Variants in SART3 observed in about 807,000 individuals in gnomAD.
The protein encoded by SART3 is spliceosome associated factor 3, U4/U6 recycling protein.
A neutral mutation model predicts 122.3 loss-of-function variants in SART3; 44 were observed. The observed-to-expected ratio is 0.36, with a 90% confidence interval of 0.28 to 0.46. The LOEUF (loss-of-function observed/expected upper bound fraction) is 0.46. Among genes scored for constraint, SART3 ranks in the 20% least tolerant of loss-of-function variants. The pLI is 1.00. For missense variants in SART3, 1,101 were observed against 1,229.0 expected (o/e 0.90, Z 1.56); for synonymous variants, 442 against 454.0 (o/e 0.97, Z 0.34).
In SART3 at chr12:108,523,507, C is replaced by A. The variant is rs974867120; in HGVS notation, c.2842G>T (p.Ala948Ser). 1 of 1,613,462 alleles carries A rather than the reference C, an allele frequency of 6.2e-7. No individual in the cohort carries two copies. The highest frequency in any genetic ancestry group is 1.3e-5 in the African/African-American group (1 of 75,014). The change falls in exon 19 of 19, where the codon GCA (alanine) becomes TCA (serine). Residue 948 changes from alanine to serine, a missense_variant. By Grantham distance (99) the Ala-to-Ser change is moderately conservative (BLOSUM62 1). Coordinates refer to ENST00000546815, the MANE Select transcript of SART3 (RefSeq NM_014706.4). The part of the protein sequence containing the change: ...PAVAAPAATE[A>S]PKMSNADFAK... ...AAATCGGCATTGGACATCTTGGGTGCCTCGGTGGCTGCTGGGGCGGCAACT... is the reference window on the plus strand; with the variant it reads ...AAATCGGCATTGGACATCTTGGGTGACTCGGTGGCTGCTGGGGCGGCAACT...
rs1165671458 is a variant in SART3, at chr12:108,526,457, G to C, written c.2012C>G (p.Ala671Gly). ...EVAAGPAGKC[A>G]AVDVEPPSKQ... ...CGAAGGGGGCTCCACATCTACGGCA[G>C]CACATTTCCCAGCGGGCCCTGCTGC... The change falls in exon 16 of 19, where the codon GCT becomes GGT. Residue 671 changes from alanine to glycine, a missense_variant. By Grantham distance (60) the Ala-to-Gly change is moderately conservative (BLOSUM62 0). This residue lies in a region of SART3 where 885 missense variants were observed against 1,080.1 expected (regional missense o/e 0.82). Coordinates refer to ENST00000546815, the MANE Select transcript of SART3 (RefSeq NM_014706.4). 6.2e-7 allele frequency: 1 copy of C among 1,614,058 alleles called. No individual in the cohort carries two copies. The highest frequency in any genetic ancestry group is 1.3e-5 in the African/African-American group (1 of 74,936).
At chr12:108,538,027 C>T in intron 8 of SART3, 38 bp downstream of exon 8, 1 of 1,613,644 alleles carries the variant, frequency 6.2e-7, no homozygotes, top group Non-Finnish European at 8.5e-7. Context: ...TCACTTGGGA[C>T]AAATAGCTTA....
At chr12:108,556,340 A>T (rs2030217488) in intron 1 of SART3, among the ~76,000 whole-genome samples, 1 of 152,154 alleles carries the variant, frequency 6.6e-6, no homozygotes, top group South Asian at 2.1e-4. Flanking sequence ...TCAAGGGATC[A>T]TCCTGCCTCA....
intron 15 of SART3, among the ~76,000 whole-genome samples, chr12:108,528,129 C>T (rs1007646037): frequency 1.2e-4 from 18 of 152,170 alleles, no homozygotes; most frequent in Non-Finnish European, 2.9e-5. Context: ...CTGCCCGTCC[C>T]TGAAATTACA....
Position 108,526,339 on chromosome 12 carries a change from G to A in SART3, c.2130C>T (p.Asn710=). Residue 710 remains asparagine (N), a synonymous_variant, in exon 16 of 19, where the codon AAC becomes AAT. Coordinates refer to ENST00000546815, the MANE Select transcript of SART3 (RefSeq NM_014706.4). ...SKDSITVFVS[N]LPYSMQEPDT... ...CCGGCTCCTGCATGCTGTAGGGCAG[G>A]TTGCTGACAAAGACGGTGATGCTGT... The A allele has an allele frequency of 6.2e-7, 1 of 1,614,114 alleles. No homozygotes were observed. Among genetic ancestry groups the A allele is most frequent in the South Asian group, 1.1e-5 (1 of 91,086 alleles).
intron 1 of SART3, among the ~76,000 whole-genome samples, chr12:108,549,900 C>T (rs1419256091): frequency 6.6e-6 from 1 of 151,232 alleles, no homozygotes; most frequent in African/African-American, 2.4e-5. Flanking sequence ...ACCTGTGGTC[C>T]CAGCTACTTG....
intron 6 of SART3, chr12:108,542,790 A>C: frequency 1.7e-6 from 1 of 605,426 alleles, no homozygotes; most frequent in Admixed American, 2.2e-5. Context: ...AGGGAGGAGG[A>C]GGCAATCGGA....
Position 108,530,276 on chromosome 12 carries a change from T to A in SART3, c.1781A>T (p.Glu594Val), listed in dbSNP as rs1226543410. 1 of 1,614,180 alleles carries A rather than the reference T, an allele frequency of 6.2e-7. No individual in the cohort carries two copies. Among genetic ancestry groups the A allele is most frequent in the African/African-American group, 1.3e-5 (1 of 75,056 alleles). ...TTTCCGTTGTTCAGCCTTTTCTTCT[T>A]CTTGCTGCACAAGGGCTGCTTCCTT... ...AEKEAALVQQ[E>V]EEKAEQRKRA... Residue 594 changes from glutamate to valine, a missense_variant, in exon 15 of 19, where the codon GAA (glutamate) becomes GTA (valine). By Grantham distance (121) the Glu-to-Val change is moderately radical. Around this residue, in one of 2 missense-constraint regions of SART3, gnomAD observed 885 missense variants for 1,080.1 expected, o/e 0.82. Transcript: ENST00000546815.
At chr12:108,534,635 A>G (rs1730940678) in intron 12 of SART3, among the ~76,000 whole-genome samples, 1 of 152,190 alleles carries the variant, frequency 6.6e-6, no homozygotes, top group Non-Finnish European at 1.5e-5. Flanking sequence ...AGACTGCACC[A>G]CTGCACTTCA....
At chr12:108,525,047 C>T (rs1033102998) in intron 17 of SART3, among the ~76,000 whole-genome samples, 3 of 152,180 alleles carry the variant, frequency 2.0e-5, no homozygotes, top group Non-Finnish European at 4.4e-5. Flanking sequence ...GAAGGAAAGA[C>T]AGGAGAAGAG....
chr12:108,528,737 G>A (rs1872516108), intron 15 of SART3, among the ~76,000 whole-genome samples: 1 of 152,168 alleles, frequency 6.6e-6, no homozygotes, highest in African/African-American at 2.4e-5. Flanking sequence ...GGGGAGGCAG[G>A]CACAGGAAGT....
chr12:108,530,441 C>T (rs906065439), intron 14 of SART3, 131 bp from the exon 15 acceptor site: 10 of 1,012,686 alleles, frequency 9.9e-6, no homozygotes, highest in Non-Finnish European at 1.5e-5. Context: ...AAAACGTGGA[C>T]AGGCTCACGG....
intron 16 of SART3, 24 bp downstream of exon 16, chr12:108,526,075 C>T: frequency 6.3e-7 from 1 of 1,584,038 alleles, no homozygotes; most frequent in Non-Finnish European, 8.7e-7. Flanking sequence ...AGATGAAAGG[C>T]ATTCTTTTTT....
intron 15 of SART3, among the ~76,000 whole-genome samples, chr12:108,528,346 G>A (rs1327200653): frequency 1.3e-5 from 2 of 152,026 alleles, no homozygotes; most frequent in East Asian, 3.9e-4. Context: ...GCTGGGCATG[G>A]TGGCTGGCAA....
Position 108,532,340 on chromosome 12 carries a change from G to T in SART3, c.1557-6C>A. The T allele has an allele frequency of 6.2e-7, 1 of 1,613,382 alleles. No individual in the cohort carries two copies. On this transcript the variant is annotated splice_polypyrimidine_tract_variant and splice_region_variant and intron_variant, in intron 12 of 18. Transcript: ENST00000546815. Reference sequence around the variant, plus strand: ...GCTGGGTGTCACCATGAGCTCTAAGGCAGAAAACAAAAAGTTGCTGCCACC... The same window carrying T: ...GCTGGGTGTCACCATGAGCTCTAAGTCAGAAAACAAAAAGTTGCTGCCACC...
At chr12:108,527,657 G>GC (rs1872446421) in intron 15 of SART3, among the ~76,000 whole-genome samples, 1 of 152,244 alleles carries the variant, frequency 6.6e-6, no homozygotes, top group Non-Finnish European at 1.5e-5. Context: ...AGGTGTGCAA[G>GC]CAAGGTCAAC....
chr12:108,526,504 T>C lies in SART3; in HGVS notation c.1965A>G (p.Gly655=). Residue 655 remains glycine (G), a synonymous_variant, in exon 16 of 19, where the codon GGA becomes GGG. Transcript: ENST00000546815. The part of the protein sequence containing the change: ...RRVENSIPAA[G]ETQNVEVAAG... ...CTGCTACTTCTACATTTTGTGTTTC[T>C]CCAGCTGCAGGGATGCTGTTCTCGA... 1 of 1,614,210 alleles carries C rather than the reference T, an allele frequency of 6.2e-7. No individual in the cohort carries two copies. The highest frequency in any genetic ancestry group is 2.2e-5 in the East Asian group (1 of 44,890).
At chr12:108,552,372 A>G (rs1409341494) in intron 1 of SART3, among the ~76,000 whole-genome samples, 2 of 152,144 alleles carry the variant, frequency 1.3e-5, no homozygotes, top group African/African-American at 2.4e-5. Context: ...AGCCTGTTCA[A>G]TAAGACAAGG....
rs778399911 is a variant in SART3, at chr12:108,538,993, G to A, written c.1003C>T (p.Arg335Cys). The A allele has an allele frequency of 1.3e-5, 21 of 1,614,058 alleles. No individual in the cohort carries two copies. Among genetic ancestry groups the A allele is most frequent in the East Asian group, 2.2e-5 (1 of 44,902 alleles). ...ACAAGGCAGTTCTCGACCAGGGCGC[G>A]CTCAAAGATCAACTGAATGCGAGCA... ...DPARIQLIFERALVENCLVPD... is the reference protein window; with the variant it reads ...DPARIQLIFECALVENCLVPD... The change falls in exon 7 of 19, where the codon CGC (arginine) becomes TGC (cysteine). Residue 335 changes from arginine (R) to cysteine (C), a missense_variant. By Grantham distance (180) the Arg-to-Cys change is radical. Transcript: ENST00000546815.
Sources: gnomAD v4.1 joint callset for allele counts (sites outside exome capture counted in the v4.1 genomes callset) on GRCh38, gnomAD v4.1.1 for gene constraint, gnomAD v4.1.1 regional missense constraint, MANE v1.5 for transcripts, NCBI Gene and HGNC (gene_info 2026-07-23, HGNC 2026-07-21) for gene names.